The following DCLK2 variants were observed in gnomAD, a reference collection of about 807,000 sequenced individuals.
DCLK2 encodes serine/threonine-protein kinase DCLK2.
In DCLK2, 31 loss-of-function variants were observed where a neutral mutation model predicts 78.4. The observed-to-expected ratio is 0.40, with a 90% CI of 0.30 to 0.53. The LOEUF is 0.53. Among genes scored for constraint, DCLK2 ranks in the 20% least tolerant of loss-of-function variants. The probability of loss-of-function intolerance (pLI) is 0.61; values close to 1 mark genes in which losing one functional copy is unlikely to be tolerated. For missense variants in DCLK2, 872 were observed against 973.7 expected (o/e 0.90, Z 1.39); for synonymous variants, 407 against 374.9 (o/e 1.09, Z -0.99).
chr4:150,225,904 G>A (rs1036765976), intron 8 of DCLK2, among the ~76,000 whole-genome samples: 3 of 151,798 alleles, frequency 2.0e-5, no homozygotes, highest in South Asian at 2.1e-4. Context: ...GGTTATTATC[G>A]ACACCTAGAA....
chr4:150,132,232 A>G (rs1369324484), intron 2 of DCLK2, among the ~76,000 whole-genome samples: 3 of 152,200 alleles, frequency 2.0e-5, no homozygotes, highest in African/African-American at 7.2e-5. Context: ...TCCCTTCTGC[A>G]CACAGGTGGT....
intron 6 of DCLK2, among the ~76,000 whole-genome samples, 160 bp from the exon 7 acceptor site, chr4:150,221,517 T>C (rs1741187129): frequency 6.6e-6 from 1 of 152,238 alleles, no homozygotes; most frequent in African/African-American, 2.4e-5. Context: ...AGGAAATTGG[T>C]GATTCAGGTG....
At chr4:150,186,916 GT>G (rs1737993598) in intron 2 of DCLK2, among the ~76,000 whole-genome samples, 1 of 151,610 alleles carries the variant, frequency 6.6e-6, no homozygotes, top group African/African-American at 2.4e-5. Context: ...GTGTGTGTGT[GT>G]GTGTGTGTGT....
chr4:150,085,504 T>A (rs4635802), intron 1 of DCLK2, among the ~76,000 whole-genome samples: 57,986 of 151,866 alleles, frequency 0.38, 11,298 homozygotes, highest in Non-Finnish European at 0.42. Context: ...TAATCCATTC[T>A]TGAGGGTGGT....
At chr4:150,249,512 C>G in intron 14 of DCLK2, 56 bp from the exon 15 acceptor site, 2 of 1,505,850 alleles carry the variant, frequency 1.3e-6, no homozygotes, top group African/African-American at 1.4e-5. Flanking sequence ...AAGGAAAAGA[C>G]AACTCAAACG....
chr4:150,172,760 TGG>T (rs34505816), intron 2 of DCLK2, among the ~76,000 whole-genome samples: 3,763 of 124,872 alleles, frequency 0.03, 154 homozygotes, highest in Non-Finnish European at 0.042. Flanking sequence ...TTTTTTTTTT[TGG>T]GGGGGGGGGG....
At chr4:150,183,175 A>G (rs1055908860) in intron 2 of DCLK2, among the ~76,000 whole-genome samples, 19 of 152,330 alleles carry the variant, frequency 1.2e-4, no homozygotes, top group African/African-American at 4.1e-4. Context: ...AGTTTAAACC[A>G]GTTTCTCACT....
At chr4:150,141,663 A>G (rs1734110619) in intron 2 of DCLK2, among the ~76,000 whole-genome samples, 1 of 152,200 alleles carries the variant, frequency 6.6e-6, no homozygotes, top group Non-Finnish European at 1.5e-5. Context: ...GAGAATTTTT[A>G]AGATCTTAAG....
chr4:150,232,835 C>T lies in DCLK2; in HGVS notation c.1566+7C>T. The T allele has an allele frequency of 6.2e-7, 1 of 1,609,156 alleles. No homozygotes were observed. Among genetic ancestry groups the T allele is most frequent in the Non-Finnish European group, 8.5e-7 (1 of 1,177,566 alleles). On this transcript the variant is annotated splice_region_variant and intron_variant, in intron 10 of 15. Transcript: ENST00000296550. ...CAAACCAGAGAATCTCTTGGTATGT[C>T]ATCCCTGCTTTTTCTGTTCCAATGA...
chr4:150,220,637 C>A, intron 5 of DCLK2, 66 bp from the exon 6 acceptor site: 2 of 1,344,492 alleles, frequency 1.5e-6, no homozygotes, highest in Non-Finnish European at 1.1e-6. Context: ...TTTTGTGTGT[C>A]AACGGATTAG....
intron 2 of DCLK2, among the ~76,000 whole-genome samples, chr4:150,192,736 G>A (rs1195704894): frequency 6.6e-6 from 1 of 152,138 alleles, no homozygotes; most frequent in Non-Finnish European, 1.5e-5. Flanking sequence ...TCACACCCAA[G>A]GTCACACAGT....
At chr4:150,144,868 G>A (rs1360627010) in intron 2 of DCLK2, among the ~76,000 whole-genome samples, 3 of 152,226 alleles carry the variant, frequency 2.0e-5, no homozygotes, top group Non-Finnish European at 4.4e-5. Context: ...TTATAGGAGT[G>A]AGCCACAATG....
rs73860925 is a variant in DCLK2 at position 150,129,308 on chromosome 4, A to G, written c.756+26496A>G. On this transcript the variant is annotated intron_variant, in intron 2 of 15. Coordinates refer to ENST00000296550, the MANE Select transcript of DCLK2 (RefSeq NM_001040260.4). ...TCCAGTATTCATAAGACTGGTCATG[A>G]CAGTCTTATGACAGTCATGTCATAA... Among the ~76,000 whole-genome samples, 441 of 152,308 alleles carry G rather than the reference A, an allele frequency of 2.9e-3. 3 individuals carry two copies. The highest frequency in any genetic ancestry group is 0.01 in the African/African-American group (429 of 41,534).
intron 10 of DCLK2, among the ~76,000 whole-genome samples, chr4:150,233,381 A>T (rs918980625): frequency 1.3e-5 from 2 of 152,228 alleles, no homozygotes; most frequent in East Asian, 1.9e-4. Context: ...ACACAGAGCC[A>T]AAGCATGTCA....
intron 2 of DCLK2, among the ~76,000 whole-genome samples, chr4:150,158,121 A>T (rs1001157301): frequency 8.5e-5 from 13 of 152,170 alleles, no homozygotes; most frequent in Non-Finnish European, 1.6e-4. Context: ...AGATGAGAAG[A>T]AGTTCAAGAT....
Position 150,249,659 on chromosome 4 carries a change from C to T in DCLK2, c.2048C>T (p.Thr683Ile), listed in dbSNP as rs201425655. 1.9e-5 allele frequency: 30 copies of T among 1,613,714 alleles called. No homozygotes were observed. The East Asian group carries it at 5.6e-4, about 30-fold the overall frequency. The change falls in exon 15 of 16, where the codon ACT (threonine) becomes ATT (isoleucine). Residue 683 changes from threonine (T) to isoleucine (I), a missense_variant. Physicochemically the swap from Thr to Ile is moderately conservative, Grantham distance 89. Transcript: ENST00000296550. Reference protein sequence around the residue: ...FNNALPKQNSTTTGVSVIMNT... With the variant: ...FNNALPKQNSITTGVSVIMNT... ...AATGCGCTCCCCAAACAGAACAGCA[C>T]TACCACCGGGGTCTCCGTCATCATG...
chr4:150,169,056 C>A (rs1736313160), intron 2 of DCLK2, among the ~76,000 whole-genome samples: 1 of 151,946 alleles, frequency 6.6e-6, no homozygotes, highest in African/African-American at 2.4e-5. Flanking sequence ...CTCCCCACCC[C>A]CCGTAATTCC....
intron 2 of DCLK2, among the ~76,000 whole-genome samples, chr4:150,166,538 A>G (rs1031913641): frequency 6.6e-6 from 1 of 152,116 alleles, no homozygotes; most frequent in Non-Finnish European, 1.5e-5. Context: ...ACTTGTCCCC[A>G]GCATTCTTCA....
chr4:150,090,454 A>G (rs577579691), intron 1 of DCLK2, among the ~76,000 whole-genome samples: 74 of 152,096 alleles, frequency 4.9e-4, no homozygotes, highest in African/African-American at 1.6e-3. Context: ...AAAAAAACGC[A>G]CAATGAAAAT....
Sources: allele counts gnomAD v4.1 joint callset (sites outside exome capture counted in the v4.1 genomes callset), GRCh38; gene constraint gnomAD v4.1.1; transcripts MANE v1.5; gene names NCBI Gene and HGNC (gene_info 2026-07-23, HGNC 2026-07-21).